ZC3HC1: variants seen among roughly 807,000 people sequenced by gnomAD.
The protein encoded by ZC3HC1 is zinc finger C3HC-type containing 1, also known as zinc finger C3HC-type protein 1.
ZC3HC1 carries 38 observed loss-of-function variants against 61.9 expected under a neutral mutation model. The observed-to-expected ratio is 0.61, with a 90% CI of 0.47 to 0.81. ZC3HC1 has a LOEUF of 0.81. Ranked by LOEUF, ZC3HC1 falls within the 30% of genes least tolerant of loss-of-function variation. The pLI is 0.00. For missense variants in ZC3HC1, 554 were observed against 622.7 expected (o/e 0.89, Z 1.17); for synonymous variants, 213 against 229.9 (o/e 0.93, Z 0.67).
chr7:130,050,425 C>G, intron 1 of ZC3HC1: 1 of 1,533,356 alleles, frequency 6.5e-7, no homozygotes. Flanking sequence ...GATTATAGCT[C>G]AAAAGAAATA....
chr7:130,032,100 T>C (rs1206167721), intron 4 of ZC3HC1, among the ~76,000 whole-genome samples: 2 of 151,962 alleles, frequency 1.3e-5, no homozygotes, highest in East Asian at 3.9e-4. Flanking sequence ...GGTGGGTGCC[T>C]GTAATCCTAG....
chr7:130,041,211 A>C, intron 2 of ZC3HC1, 110 bp from the exon 3 acceptor site: 1 of 1,255,958 alleles, frequency 8.0e-7, no homozygotes, highest in Non-Finnish European at 1.1e-6. Context: ...TTTTTGAGAA[A>C]AGTTCTCACT....
At chr7:130,037,029 G>C (rs1046107919) in intron 4 of ZC3HC1, 1 of 152,230 alleles carries the variant, frequency 6.6e-6, no homozygotes, top group Non-Finnish European at 1.5e-5. Context: ...TCAAAAGAGA[G>C]GTCTGGATAG....
intron 2 of ZC3HC1, 38 bp from the exon 3 acceptor site, chr7:130,041,139 T>C: frequency 6.5e-7 from 1 of 1,532,066 alleles, no homozygotes; most frequent in Non-Finnish European, 8.8e-7. Flanking sequence ...CAAATATATA[T>C]ATATATGTGT....
rs1338271833 is a variant in ZC3HC1, at chr7:130,022,389, C to A, written c.1370G>T (p.Gly457Val). The change falls in exon 9 of 10, where the codon GGC (glycine) becomes GTC (valine). Residue 457 changes from glycine to valine, a missense_variant. By Grantham distance (109) the Gly-to-Val change is moderately radical. Coordinates refer to ENST00000358303, the MANE Select transcript of ZC3HC1 (RefSeq NM_016478.5). The part of the protein sequence containing the change: ...EPDASAPAEP[G>V]WKAVLTILLA... Reference sequence around the variant, plus strand: ...GAGGATGGTCAGCACTGCTTTCCAGCCTGGCTCTGCTGGGGCGCTGGCATC... The same window carrying A: ...GAGGATGGTCAGCACTGCTTTCCAGACTGGCTCTGCTGGGGCGCTGGCATC... 6.2e-7 allele frequency: 1 copy of A among 1,613,700 alleles called. No individual in the cohort carries two copies. The highest frequency in any genetic ancestry group is 2.2e-5 in the East Asian group (1 of 44,870).
chr7:130,049,624 A>C (rs1794995470), intron 1 of ZC3HC1, among the ~76,000 whole-genome samples: 1 of 151,380 alleles, frequency 6.6e-6, no homozygotes. Flanking sequence ...GGCTCACTGC[A>C]ACCTCCACCT....
chr7:130,024,539 AGT>A (rs1350740958), intron 6 of ZC3HC1, 33 bp from the exon 7 acceptor site: 1 of 1,578,096 alleles, frequency 6.3e-7, no homozygotes, highest in Admixed American at 1.8e-5. Flanking sequence ...GTTTTCTCAA[AGT>A]GTAACATTTC....
chr7:130,033,194 A>C (rs1490510355), intron 4 of ZC3HC1, among the ~76,000 whole-genome samples: 3 of 152,018 alleles, frequency 2.0e-5, no homozygotes, highest in Non-Finnish European at 4.4e-5. Flanking sequence ...AACCATGCCC[A>C]GCTAATTTTT....
chr7:130,029,150 C>G (rs1202273163), intron 4 of ZC3HC1, 121 bp from the exon 5 acceptor site: 1 of 1,124,330 alleles, frequency 8.9e-7, no homozygotes, highest in African/African-American at 1.6e-5. Flanking sequence ...GCGGGCGGAT[C>G]ACCTGAGGTC....
intron 5 of ZC3HC1, chr7:130,027,346 G>C (rs117528404): frequency 0.016 from 2,379 of 152,252 alleles, 34 homozygotes; most frequent in Middle Eastern, 0.024. Flanking sequence ...GGTCAGGCCT[G>C]GTTAGTACTT....
chr7:130,024,676 T>C (rs1308430518), intron 6 of ZC3HC1, among the ~76,000 whole-genome samples, 170 bp from the exon 7 acceptor site: 1 of 152,094 alleles, frequency 6.6e-6, no homozygotes, highest in Non-Finnish European at 1.5e-5. Context: ...TCATCATCTC[T>C]CACATATTTC....
intron 3 of ZC3HC1, among the ~76,000 whole-genome samples, chr7:130,040,676 C>T (rs1419826213): frequency 6.9e-6 from 1 of 145,972 alleles, no homozygotes; most frequent in African/African-American, 2.5e-5. Flanking sequence ...GGTGTAGTGG[C>T]ACTGCGCCTG....
At chr7:130,043,047 G>A (rs1021366602) in intron 2 of ZC3HC1, among the ~76,000 whole-genome samples, 3 of 152,116 alleles carry the variant, frequency 2.0e-5, no homozygotes, top group Non-Finnish European at 4.4e-5. Flanking sequence ...AGGCTGAGAC[G>A]GGCGGATCAC....
chr7:130,023,294 A>C lies in ZC3HC1; in HGVS notation c.1233+217T>G, dbSNP rs1014214202. Among the ~76,000 whole-genome samples the C allele has an allele frequency of 6.6e-6, 1 of 152,072 alleles. No individual in the cohort carries two copies. Among genetic ancestry groups the C allele is most frequent in the Admixed American group, 6.6e-5 (1 of 15,244 alleles). ...CACCGTTGTTCCATTTGCCTGAAAT[A>C]TCTATTATTTCTCCAGAATCCACTC... On this transcript the variant is annotated intron_variant, in intron 8 of 9. Transcript: ENST00000358303. The surrounding 1 kb of genome is among the most constrained non-coding windows in gnomAD (Gnocchi z 4.2).
intron 4 of ZC3HC1, among the ~76,000 whole-genome samples, chr7:130,034,525 T>A (rs1794354450): frequency 6.7e-6 from 1 of 148,814 alleles, no homozygotes; most frequent in Non-Finnish European, 1.5e-5. Flanking sequence ...GACAGGGTCT[T>A]GCTCTGTCAT....
rs1793790868 is a variant in ZC3HC1 at position 130,024,390 on chromosome 7, A to C, written c.893T>G (p.Phe298Cys). The change falls in exon 7 of 10, where the codon TTT becomes TGT. Residue 298 changes from phenylalanine (F) to cysteine (C), a missense_variant. Physicochemically the swap from Phe to Cys is radical, Grantham distance 205. Coordinates refer to ENST00000358303, the MANE Select transcript of ZC3HC1 (RefSeq NM_016478.5). The stretch of plus-strand genomic sequence containing the variant: ...TGGGATTGGGGAGCTGGTCAGGCCA[A>C]AGGATGCATCCAGGTCAGTCATGGA... The part of the protein sequence containing the change: ...ESSMTDLDAS[F>C]GLTSSPIPGL... 1 of 1,614,028 alleles carries C rather than the reference A, an allele frequency of 6.2e-7. No individual in the cohort carries two copies. The highest frequency in any genetic ancestry group is 1.3e-5 in the African/African-American group (1 of 74,914).
intron 2 of ZC3HC1, among the ~76,000 whole-genome samples, chr7:130,043,078 C>A (rs758548673): frequency 9.2e-5 from 14 of 152,152 alleles, no homozygotes; most frequent in East Asian, 3.9e-4. Context: ...GAGTTTGAGA[C>A]CAGCCTGGGC....
chr7:130,021,088 G>A (rs1793624989), intron 9 of ZC3HC1, among the ~76,000 whole-genome samples: 1 of 150,772 alleles, frequency 6.6e-6, no homozygotes, highest in African/African-American at 2.4e-5. Context: ...TGTATTTTGA[G>A]TAGAGACGAG....
chr7:130,039,115 C>T (rs1439233666), intron 4 of ZC3HC1, among the ~76,000 whole-genome samples: 7 of 151,938 alleles, frequency 4.6e-5, no homozygotes, highest in East Asian at 1.9e-4. Context: ...GAGGCCGAGA[C>T]GGGCGGATCA....
Sources: allele counts gnomAD v4.1 joint callset (sites outside exome capture counted in the v4.1 genomes callset), GRCh38; gene constraint gnomAD v4.1.1; non-coding constraint Gnocchi (gnomAD v3.1); transcripts MANE v1.5; gene names NCBI Gene and HGNC (gene_info 2026-07-23, HGNC 2026-07-21).